Variants in NXN observed in about 807,000 individuals in gnomAD.
The protein encoded by NXN is nucleoredoxin 1.
NXN carries 16 observed loss-of-function variants against 48.6 expected under a neutral mutation model. The observed-to-expected ratio is 0.33, with a 90% CI of 0.22 to 0.50. The LOEUF is 0.50. Among genes scored for constraint, NXN ranks in the 20% least tolerant of loss-of-function variants. The pLI, the probability that NXN is intolerant of heterozygous loss-of-function variation, is 0.98. For missense variants in NXN, 492 were observed against 605.5 expected, an observed-to-expected ratio of 0.81 and a Z score of 1.97; for synonymous variants, 281 against 269.6, an observed-to-expected ratio of 1.04 and a Z score of -0.41.
At chr17:899,693 T>TA (rs911838551) in intron 1 of NXN, among the ~76,000 whole-genome samples, 9 of 151,966 alleles carry the variant, frequency 5.9e-5, no homozygotes, top group Admixed American at 1.3e-4. Context: ...TGGGAGACAG[T>TA]AAAAAAAGCT....
At chr17:971,873 G>T (rs905436856) in intron 1 of NXN, among the ~76,000 whole-genome samples, 19 of 152,066 alleles carry the variant, frequency 1.2e-4, no homozygotes, top group African/African-American at 4.6e-4. Flanking sequence ...CATGAAGAAA[G>T]AAAACACATC....
intron 1 of NXN, among the ~76,000 whole-genome samples, chr17:950,468 G>A (rs560628542): frequency 4.6e-5 from 7 of 151,484 alleles, no homozygotes; most frequent in South Asian, 4.2e-4. Flanking sequence ...GGGTGCAAAC[G>A]GCCGGGCCAG....
At chr17:931,353 T>C (rs1307951045) in intron 1 of NXN, among the ~76,000 whole-genome samples, 2 of 149,746 alleles carry the variant, frequency 1.3e-5, no homozygotes, top group African/African-American at 4.9e-5. Flanking sequence ...CTGGAGAGGC[T>C]GAGGCAGAAG....
chr17:900,316 A>C (rs2068525740), intron 1 of NXN, among the ~76,000 whole-genome samples: 1 of 152,114 alleles, frequency 6.6e-6, no homozygotes, highest in Admixed American at 6.6e-5. Context: ...ATATAGCCAA[A>C]AAGCTCATGA....
chr17:814,406 A>C (rs1403382815), intron 5 of NXN, among the ~76,000 whole-genome samples: 1 of 152,184 alleles, frequency 6.6e-6, no homozygotes, highest in Non-Finnish European at 1.5e-5. Flanking sequence ...CTCAGAGAGG[A>C]AGATTCTGCT....
chr17:854,547 T>G (rs1052727087), intron 1 of NXN, among the ~76,000 whole-genome samples: 1 of 148,922 alleles, frequency 6.7e-6, no homozygotes, highest in African/African-American at 2.5e-5. Context: ...CCCAGCTACT[T>G]GGGAGGCTGA....
rs115436056 is a variant in NXN at position 877,500 on chromosome 17, C to T, written c.361-51422G>A. On this transcript the variant is annotated intron_variant, in intron 1 of 7. Coordinates refer to ENST00000336868, the MANE Select transcript of NXN (RefSeq NM_022463.5). The stretch of plus-strand genomic sequence containing the variant: ...ACCAGCCACTACTGGATTCCTTCTA[C>T]GTGTGAAGCCCTGTGCTAAAGGCTG... Among the ~76,000 whole-genome samples, 1,331 of 152,282 alleles carry T rather than the reference C, an allele frequency of 8.7e-3. 13 individuals carry two copies. The highest frequency in any genetic ancestry group is 0.03 in the African/African-American group (1,266 of 41,538).
intron 1 of NXN, among the ~76,000 whole-genome samples, chr17:931,647 TA>T (rs1257365055): frequency 6.8e-6 from 1 of 146,996 alleles, no homozygotes. Flanking sequence ...CCATCCCGGC[TA>T]ACACAGTGAA....
chr17:924,731 TCCG>T (rs2068782702), intron 1 of NXN, among the ~76,000 whole-genome samples: 1 of 151,984 alleles, frequency 6.6e-6, no homozygotes, highest in South Asian at 2.1e-4. Flanking sequence ...TCCGTTCCGT[TCCG>T]TTCCCCTGCT....
intron 5 of NXN, 101 bp downstream of exon 5, chr17:819,338 A>C (rs764790889): frequency 1.2e-6 from 1 of 807,966 alleles, no homozygotes; most frequent in Non-Finnish European, 2.1e-6. Flanking sequence ...ATATTCATGG[A>C]AATAATGATG....
chr17:848,256 G>C (rs571496476), intron 1 of NXN, among the ~76,000 whole-genome samples: 1 of 152,136 alleles, frequency 6.6e-6, no homozygotes, highest in East Asian at 1.9e-4. Flanking sequence ...TCCTACCTCA[G>C]CCTCCTGAGT....
chr17:881,410 T>C (rs1037566729), intron 1 of NXN, among the ~76,000 whole-genome samples: 2 of 152,062 alleles, frequency 1.3e-5, no homozygotes, highest in African/African-American at 4.8e-5. Context: ...AATTTTCCAT[T>C]GAGACGGGGT....
chr17:854,553 G>A (rs1425714956), intron 1 of NXN, among the ~76,000 whole-genome samples: 3 of 151,640 alleles, frequency 2.0e-5, no homozygotes, highest in South Asian at 2.1e-4. Flanking sequence ...TACTTGGGAG[G>A]CTGAGGCAGG....
intron 5 of NXN, among the ~76,000 whole-genome samples, chr17:812,802 G>A (rs530332099): frequency 8.7e-5 from 13 of 149,862 alleles, no homozygotes; most frequent in East Asian, 4.0e-4. Context: ...GTGTGTGTGC[G>A]TGAGTGTAGG....
chr17:932,777 C>T lies in NXN; in HGVS notation c.360+46542G>A, dbSNP rs1037331242. Among the ~76,000 whole-genome samples, 3 of 152,112 alleles carry T rather than the reference C, an allele frequency of 2.0e-5. No individual in the cohort carries two copies. The highest frequency in any genetic ancestry group is 2.9e-5 in the Non-Finnish European group (2 of 68,026). On this transcript the variant is annotated intron_variant, in intron 1 of 7. Transcript: ENST00000336868. The surrounding 1 kb of genome is among the most constrained non-coding windows in gnomAD (Gnocchi z 4.1). Reference sequence around the variant, plus strand: ...GGGAGTGCCTTGTTGTGGCCGGCTTCGCATAAGTCATCTGCGCCCGCCACC... The same window carrying T: ...GGGAGTGCCTTGTTGTGGCCGGCTTTGCATAAGTCATCTGCGCCCGCCACC...
intron 1 of NXN, among the ~76,000 whole-genome samples, chr17:844,581 TTTTC>T (rs1341920421): frequency 6.6e-6 from 1 of 151,802 alleles, no homozygotes; most frequent in Non-Finnish European, 1.5e-5. Flanking sequence ...TCTTTTTTTC[TTTTC>T]TTTTTTTTCT....
chr17:938,713 A>G (rs756816471), intron 1 of NXN, among the ~76,000 whole-genome samples: 1 of 151,932 alleles, frequency 6.6e-6, no homozygotes, highest in African/African-American at 2.4e-5. Flanking sequence ...AAAAACAAAA[A>G]GAAAGAAAAC....
At chr17:905,341 C>T (rs1057315327) in intron 1 of NXN, 1 of 151,892 alleles carries the variant, frequency 6.6e-6, no homozygotes, top group Non-Finnish European at 1.5e-5. Context: ...CCCTGGAGCC[C>T]AGGAGCTAAG....
intron 5 of NXN, among the ~76,000 whole-genome samples, chr17:812,914 G>A (rs1011374865): frequency 1.7e-4 from 21 of 123,112 alleles, no homozygotes; most frequent in Non-Finnish European, 2.9e-4. Flanking sequence ...ATGTGTGACT[G>A]TAGGTGTGTG....
Sources: gnomAD v4.1 joint callset for allele counts (sites outside exome capture counted in the v4.1 genomes callset) on GRCh38, gnomAD v4.1.1 for gene constraint, Gnocchi (gnomAD v3.1) non-coding constraint, MANE v1.5 for transcripts, NCBI Gene and HGNC (gene_info 2026-07-23, HGNC 2026-07-21) for gene names.